The following MACROD2 variants were observed in gnomAD, a reference collection of about 807,000 sequenced individuals.
MACROD2 encodes the protein ADP-ribose glycohydrolase MACROD2.
A neutral mutation model predicts 70.4 loss-of-function variants in MACROD2; 36 were observed. That is an observed-to-expected ratio of 0.51 (90% CI 0.39 to 0.68). The LOEUF is 0.68. Among genes scored for constraint, MACROD2 ranks in the 30% least tolerant of loss-of-function variants. The pLI is 0.00. For missense variants in MACROD2, 496 were observed against 538.4 expected, an observed-to-expected ratio of 0.92 and a Z score of 0.78; for synonymous variants, 172 against 178.8, an observed-to-expected ratio of 0.96 and a Z score of 0.30.
intron 3 of MACROD2, among the ~76,000 whole-genome samples, chr20:14,374,362 T>C (rs1844459520): frequency 6.6e-6 from 1 of 152,158 alleles, no homozygotes; most frequent in Non-Finnish European, 1.5e-5. Context: ...TGACCCAAAA[T>C]ACTGCGGAGC....
intron 3 of MACROD2, among the ~76,000 whole-genome samples, chr20:14,301,174 A>C (rs1283223073): frequency 6.6e-6 from 1 of 152,182 alleles, no homozygotes; most frequent in African/African-American, 2.4e-5. Flanking sequence ...GGAGTTACTC[A>C]GGAAGGCTAA....
At chr20:14,401,281 A>G (rs2083635576) in intron 3 of MACROD2, among the ~76,000 whole-genome samples, 2 of 152,158 alleles carry the variant, frequency 1.3e-5, no homozygotes, top group African/African-American at 2.4e-5. Flanking sequence ...GTGTCTTTAT[A>G]ATAGAATGAT....
At chr20:14,120,366 G>T (rs917469358) in intron 3 of MACROD2, among the ~76,000 whole-genome samples, 10 of 152,006 alleles carry the variant, frequency 6.6e-5, no homozygotes, top group Non-Finnish European at 1.2e-4. Context: ...AAAAAGTCAG[G>T]AAACAAAAGA....
chr20:15,817,547 G>A (rs1224848970), intron 8 of MACROD2, among the ~76,000 whole-genome samples: 9 of 152,112 alleles, frequency 5.9e-5, no homozygotes, highest in Non-Finnish European at 1.5e-5. Flanking sequence ...TGAAATCCAA[G>A]CCTCATTTCT....
chr20:15,942,799 G>T (rs2065768193), intron 12 of MACROD2, among the ~76,000 whole-genome samples: 1 of 152,082 alleles, frequency 6.6e-6, no homozygotes, highest in Non-Finnish European at 1.5e-5. Context: ...CAAGGCTAAG[G>T]CAGCTTTCTG....
intron 5 of MACROD2, among the ~76,000 whole-genome samples, chr20:15,188,681 G>C (rs2076549752): frequency 6.6e-6 from 1 of 152,130 alleles, no homozygotes; most frequent in African/African-American, 2.4e-5. Context: ...CTATGTGTTT[G>C]GTGTGTGATT....
intron 8 of MACROD2, among the ~76,000 whole-genome samples, chr20:15,720,284 C>T (rs986751975): frequency 1.3e-5 from 2 of 152,156 alleles, no homozygotes; most frequent in Non-Finnish European, 2.9e-5. Flanking sequence ...CGCTTTGACA[C>T]ACTGATTTCA....
At chr20:15,024,056 C>T (rs1269863017) in intron 5 of MACROD2, among the ~76,000 whole-genome samples, 3 of 152,100 alleles carry the variant, frequency 2.0e-5, no homozygotes, top group Admixed American at 6.6e-5. Flanking sequence ...ATTAAAGAAG[C>T]GTGTAAACTG....
intron 5 of MACROD2, among the ~76,000 whole-genome samples, chr20:14,746,287 C>A (rs2071798710): frequency 6.6e-6 from 1 of 152,128 alleles, no homozygotes; most frequent in African/African-American, 2.4e-5. Flanking sequence ...CTCATGTTTG[C>A]AGGCAAATAT....
At chr20:15,250,019 G>A (rs1237998782) in intron 6 of MACROD2, among the ~76,000 whole-genome samples, 2 of 152,156 alleles carry the variant, frequency 1.3e-5, no homozygotes, top group Non-Finnish European at 2.9e-5. Context: ...AACTTTTAAG[G>A]CATTTCTTTA....
chr20:15,100,918 A>G (rs2075867453), intron 5 of MACROD2, among the ~76,000 whole-genome samples: 1 of 152,162 alleles, frequency 6.6e-6, no homozygotes, highest in Non-Finnish European at 1.5e-5. Context: ...GAGGCAGAAA[A>G]TGAGTGAAGA....
intron 7 of MACROD2, among the ~76,000 whole-genome samples, chr20:15,440,107 T>C (rs1031483964): frequency 6.6e-6 from 1 of 152,194 alleles, no homozygotes; most frequent in Non-Finnish European, 1.5e-5. Flanking sequence ...AAAATGATTT[T>C]AGTCAATTTT....
At chr20:14,078,971 GT>G (rs2053953238) in intron 2 of MACROD2, among the ~76,000 whole-genome samples, 1 of 151,942 alleles carries the variant, frequency 6.6e-6, no homozygotes, top group African/African-American at 2.4e-5. Context: ...ATATGTTCTG[GT>G]ATATACTGTT....
chr20:14,407,731 A>G (rs1457306653), intron 3 of MACROD2, among the ~76,000 whole-genome samples: 10 of 152,188 alleles, frequency 6.6e-5, no homozygotes, highest in Non-Finnish European at 1.5e-4. Context: ...GCAATTTACA[A>G]CTTGCTTGCC....
intron 8 of MACROD2, among the ~76,000 whole-genome samples, chr20:15,819,175 A>G (rs2147099394): frequency 6.7e-6 from 1 of 149,222 alleles, no homozygotes; most frequent in Non-Finnish European, 1.5e-5. Flanking sequence ...ATGCACAAAG[A>G]AAATGTGGTG....
intron 10 of MACROD2, among the ~76,000 whole-genome samples, chr20:15,903,210 C>T (rs1286742130): frequency 1.3e-5 from 2 of 152,038 alleles, no homozygotes; most frequent in Non-Finnish European, 2.9e-5. Flanking sequence ...GACGTAGTGG[C>T]GCACGCCTGT....
intron 8 of MACROD2, among the ~76,000 whole-genome samples, chr20:15,677,368 C>T (rs530366688): frequency 8.6e-5 from 13 of 151,782 alleles, no homozygotes; most frequent in Non-Finnish European, 1.3e-4. Context: ...CTCGGGCATG[C>T]GGTGGTGGGG....
chr20:15,627,587 C>T (rs1354039818), intron 8 of MACROD2, among the ~76,000 whole-genome samples: 1 of 151,912 alleles, frequency 6.6e-6, no homozygotes, highest in Non-Finnish European at 1.5e-5. Flanking sequence ...TTGAAGCTGT[C>T]CTCTTGAGCT....
At chr20:14,649,326 A>G (rs555109141) in intron 4 of MACROD2, among the ~76,000 whole-genome samples, 34 of 152,166 alleles carry the variant, frequency 2.2e-4, no homozygotes, top group Non-Finnish European at 2.4e-4. Flanking sequence ...GGCATAGTCA[A>G]TTTCCTCAGA....
Sources: allele counts gnomAD v4.1 joint callset (sites outside exome capture counted in the v4.1 genomes callset), GRCh38; gene constraint gnomAD v4.1.1; transcripts MANE v1.5; gene names NCBI Gene and HGNC (gene_info 2026-07-23, HGNC 2026-07-21).